VPS13C: variants seen among roughly 807,000 people sequenced by gnomAD.
The protein encoded by VPS13C is vacuolar protein sorting 13 homolog C, also known as intermembrane lipid transfer protein VPS13C.
A neutral mutation model predicts 456.8 loss-of-function variants in VPS13C; 358 were observed. That is an observed-to-expected ratio of 0.78 (90% CI 0.72 to 0.86). The LOEUF (loss-of-function observed/expected upper bound fraction) is 0.86, where lower values mean the gene tolerates loss of function less well. Ranked by LOEUF, VPS13C falls within the 40% of genes least tolerant of loss-of-function variation. VPS13C has a pLI of 0.00. For missense variants in VPS13C, 4,818 were observed against 4,385.4 expected, an observed-to-expected ratio of 1.10 and a Z score of -2.79; for synonymous variants, 1,578 against 1,486.7, an observed-to-expected ratio of 1.06 and a Z score of -1.41.
intron 7 of VPS13C, 94 bp downstream of exon 7, chr15:62,023,686 A>T: frequency 7.6e-7 from 1 of 1,311,126 alleles, no homozygotes; most frequent in African/African-American, 1.5e-5. Flanking sequence ...TTTTGAATTT[A>T]TACTGTTATC....
In VPS13C at chr15:62,041,306, G is replaced by A. The variant is rs935043807; in HGVS notation, c.187+18C>T. 2 of 1,592,786 alleles carry A rather than the reference G, an allele frequency of 1.3e-6. No homozygotes were observed. The highest frequency in any genetic ancestry group is 2.7e-5 in the African/African-American group (2 of 73,438). ...CAATAGGACCAAGAATAATTCAAAT[G>A]AAGACTAAAGTACTTACCAATTTGG... On this transcript the variant is annotated intron_variant, in intron 3 of 84. Coordinates refer to ENST00000644861, the MANE Select transcript of VPS13C (RefSeq NM_020821.3).
intron 32 of VPS13C, among the ~76,000 whole-genome samples, chr15:61,963,473 G>GT (rs930497273): frequency 6.6e-6 from 1 of 150,994 alleles, no homozygotes; most frequent in African/African-American, 2.4e-5. Flanking sequence ...TCATATGAAG[G>GT]TAAAAAAAAA....
At chr15:61,969,708 A>T (rs1043224536) in intron 27 of VPS13C, among the ~76,000 whole-genome samples, 3 of 152,140 alleles carry the variant, frequency 2.0e-5, no homozygotes, top group Non-Finnish European at 2.9e-5. Context: ...TAAAATAGGA[A>T]TGTATAGATT....
At chr15:62,008,043 T>A in intron 14 of VPS13C, among the ~76,000 whole-genome samples, 1 of 151,856 alleles carries the variant, frequency 6.6e-6, no homozygotes, top group East Asian at 1.9e-4. Context: ...GTTCAAGATG[T>A]CGAGATGCTG....
At chr15:61,947,051 A>G in intron 43 of VPS13C, 142 bp downstream of exon 43, 1 of 553,002 alleles carries the variant, frequency 1.8e-6, no homozygotes, top group Non-Finnish European at 3.2e-6. Flanking sequence ...GTAACATTTT[A>G]AAGCACATCT....
In VPS13C at chr15:61,977,017, C is replaced by G. The variant is rs556995206; in HGVS notation, c.2408+65G>C. ...AAATCTATCTTTGCTTCCTTAAATTCTAGCAACTGATGCAGACATATTTCA... is the reference window on the plus strand; with the variant it reads ...AAATCTATCTTTGCTTCCTTAAATTGTAGCAACTGATGCAGACATATTTCA... On this transcript the variant is annotated intron_variant, in intron 24 of 84. Transcript: ENST00000644861. 4.9e-5 allele frequency: 56 copies of G among 1,148,302 alleles called. 1 individual carries two copies. In the Middle Eastern group the frequency reaches 1.6e-3, roughly 33 times the overall value. The allele number at this position is 1,148,302 out of a possible 1,614,324, so 71.1% of individuals were successfully genotyped here. A position where few individuals can be genotyped will look rare whatever the true frequency, so the allele number is the denominator to read the frequency against.
intron 3 of VPS13C, 113 bp downstream of exon 3, chr15:62,041,211 G>T: frequency 1.9e-6 from 2 of 1,061,456 alleles, no homozygotes; most frequent in Non-Finnish European, 2.7e-6. Flanking sequence ...AATTAATGAG[G>T]CAAAAAAAAA....
chr15:61,968,836 A>G (rs1447475749), intron 28 of VPS13C, among the ~76,000 whole-genome samples: 3 of 152,174 alleles, frequency 2.0e-5, no homozygotes, highest in Non-Finnish European at 4.4e-5. Context: ...ACATATGATC[A>G]GAGATAAACT....
chr15:61,869,981 T>C (rs1269795309), intron 79 of VPS13C, among the ~76,000 whole-genome samples: 1 of 152,128 alleles, frequency 6.6e-6, no homozygotes, highest in East Asian at 1.9e-4. Flanking sequence ...AAGGGACCAG[T>C]AAACATTCTC....
chr15:61,866,014 C>T (rs1894564175), intron 81 of VPS13C: 1 of 983,454 alleles, frequency 1.0e-6, no homozygotes, highest in South Asian at 4.7e-5. Flanking sequence ...TACTCTAATA[C>T]TCTTTAATAT....
intron 15 of VPS13C, among the ~76,000 whole-genome samples, chr15:62,003,531 C>T (rs139360821): frequency 6.6e-6 from 1 of 152,092 alleles, no homozygotes; most frequent in African/African-American, 2.4e-5. Flanking sequence ...TGCCTAATTG[C>T]CCTGGCCAGA....
In VPS13C at chr15:61,869,609, C is replaced by A. The variant is rs775299880; in HGVS notation, c.10639G>T (p.Gly3547Ter). The change falls in exon 80 of 85, where the codon GGA becomes TGA. Residue 3547 changes from glycine to a stop codon, truncating the protein, a stop_gained. Transcript: ENST00000644861. LOFTEE classifies it high-confidence loss of function. ...ATTCCTTTAAAGAATCCAGCAGCTC[C>A]TTCCTTTTTGGCACCTTCAGAAAAC... The part of the protein sequence containing the change: ...TKPVEGAKKE[G>*]AAGFFKGIGK... 1.2e-6 allele frequency: 2 copies of A among 1,614,090 alleles called. No individual in the cohort carries two copies. Among genetic ancestry groups the A allele is most frequent in the East Asian group, 4.5e-5 (2 of 44,878 alleles).
At position 62,013,072 on chromosome 15, in the gene VPS13C, G is replaced by A. The variant is rs1031863164; in HGVS notation, c.792C>T (p.Ser264=). The A allele has an allele frequency of 3.1e-6, 5 of 1,611,008 alleles. No individual in the cohort carries two copies. Among genetic ancestry groups the A allele is most frequent in the East Asian group, 2.2e-5 (1 of 44,708 alleles). The change falls in exon 11 of 85, where the codon AGC becomes AGT. Residue 264 remains serine, a synonymous_variant. Coordinates refer to ENST00000644861, the MANE Select transcript of VPS13C (RefSeq NM_020821.3). ...SLSAYWNVNC[S]MSYQRSREQI... ...GTTCCCTTGATCTCTGGTAAGACAT[G>A]CTGCAATTTACATTCCAGTAGGCGC...
rs142192371 is a variant in VPS13C, at chr15:62,014,944, A to C, written c.685-952T>G. On this transcript the variant is annotated intron_variant, in intron 9 of 84. Coordinates refer to ENST00000644861, the MANE Select transcript of VPS13C (RefSeq NM_020821.3). ...ACTTGAGTAGAATCACCAGGCAGAAAGTAATACAGACAACTAAAGCAGAAT... is the reference window on the plus strand; with the variant it reads ...ACTTGAGTAGAATCACCAGGCAGAACGTAATACAGACAACTAAAGCAGAAT... 8.9e-3 allele frequency among the ~76,000 whole-genome samples: 1,350 copies of C among 152,316 alleles called. 14 individuals are homozygous for C. Among genetic ancestry groups the C allele is most frequent in the Non-Finnish European group, 0.012 (792 of 68,016 alleles).
chr15:61,918,408 T>C lies in VPS13C; in HGVS notation c.7639-151A>G, dbSNP rs1415012953. ...TGGCAATTGAAAAATTTTAGGGTAT[T>C]TAAGTGCTATATATATTAAATTTAA... On this transcript the variant is annotated intron_variant, in intron 58 of 84. Coordinates refer to ENST00000644861, the MANE Select transcript of VPS13C (RefSeq NM_020821.3). 5 of 632,488 alleles carry C rather than the reference T, an allele frequency of 7.9e-6. No homozygotes were observed. In the African/African-American group the frequency reaches 9.5e-5, roughly 12 times the overall value. 39.2% of individuals were successfully genotyped at this position (632,488 alleles called of 1,614,324 possible). A position where few individuals can be genotyped will look rare whatever the true frequency, so the allele number is the denominator to read the frequency against.
chr15:61,893,788 T>C (rs185751334), intron 66 of VPS13C, among the ~76,000 whole-genome samples: 1 of 152,234 alleles, frequency 6.6e-6, no homozygotes, highest in Admixed American at 6.5e-5. Flanking sequence ...CTTTTTGGTT[T>C]CCTTGCTTTC....
chr15:61,996,998 C>CAT (rs35381809), intron 16 of VPS13C, among the ~76,000 whole-genome samples: 9,160 of 145,524 alleles, frequency 0.063, 359 homozygotes, highest in East Asian at 0.09. Flanking sequence ...TACATACATA[C>CAT]ATATATATAT....
intron 33 of VPS13C, 83 bp from the exon 34 acceptor site, chr15:61,962,621 T>C: frequency 7.2e-7 from 1 of 1,394,862 alleles, no homozygotes; most frequent in Admixed American, 2.4e-5. Context: ...TTTACATTTA[T>C]AATCTTTATA....
rs144791480 is a variant in VPS13C at position 62,033,682 on chromosome 15, A to G, written c.284-140T>C. On this transcript the variant is annotated intron_variant, in intron 4 of 84. Transcript: ENST00000644861. ...ATACTTTCACATTTTTAGTTTTACG[A>G]AACATTTAAACATAAATTATTCCTA... 287 of 467,550 alleles carry G rather than the reference A, an allele frequency of 6.1e-4. 2 individuals are homozygous for G. The highest frequency in any genetic ancestry group is 5.2e-3 in the African/African-American group (258 of 49,308). The allele number at this position is 467,550 out of a possible 1,614,324, so 29.0% of individuals were successfully genotyped here.
Sources: gnomAD v4.1 joint callset for allele counts (sites outside exome capture counted in the v4.1 genomes callset) on GRCh38, gnomAD v4.1.1 for gene constraint, MANE v1.5 for transcripts, NCBI Gene and HGNC (gene_info 2026-07-23, HGNC 2026-07-21) for gene names.